NCK2: variants seen among roughly 807,000 people sequenced by gnomAD.
NCK2 encodes the protein NCK adaptor protein 2.
NCK2 carries 16 observed loss-of-function variants against 33.9 expected under a neutral mutation model. That is an observed-to-expected ratio of 0.47 (90% CI 0.32 to 0.72). The LOEUF (loss-of-function observed/expected upper bound fraction) is 0.72. Ranked by LOEUF, NCK2 falls within the 30% of genes least tolerant of loss-of-function variation. The pLI is 0.03. For missense variants in NCK2, 418 were observed against 537.3 expected, an observed-to-expected ratio of 0.78 and a Z score of 2.19; for synonymous variants, 273 against 239.9, an observed-to-expected ratio of 1.14 and a Z score of -1.27.
At chr2:105,749,849 C>T (rs1689396366) in intron 1 of NCK2, among the ~76,000 whole-genome samples, 1 of 152,036 alleles carries the variant, frequency 6.6e-6, no homozygotes, top group South Asian at 2.1e-4. Flanking sequence ...GTGTATTAGT[C>T]AGCTCCAGCT....
rs1416454394 is a variant in NCK2, at chr2:105,893,257, G to A, written c.*81G>A. On this transcript the variant is annotated 3_prime_UTR_variant, in exon 5 of 5. Coordinates refer to ENST00000233154, the MANE Select transcript of NCK2 (RefSeq NM_003581.5). ...GCCTTGTGGCAGAGGCTCCTCCCGC[G>A]GGGACGGCCCCGACGGCTTCTCTGC... The A allele has an allele frequency of 5.9e-6, 8 of 1,365,808 alleles. No homozygotes were observed. Among genetic ancestry groups the A allele is most frequent in the South Asian group, 4.1e-5 (3 of 72,876 alleles). The allele number at this position is 1,365,808 out of a possible 1,614,324, so 84.6% of individuals were successfully genotyped here.
At chr2:105,824,626 C>T (rs372773322) in intron 2 of NCK2, among the ~76,000 whole-genome samples, 5 of 152,130 alleles carry the variant, frequency 3.3e-5, no homozygotes, top group Admixed American at 6.5e-5. Flanking sequence ...TACCACGTCT[C>T]GGCGGCGTGT....
chr2:105,884,052 A>G (rs1678618592), intron 4 of NCK2, among the ~76,000 whole-genome samples: 1 of 152,146 alleles, frequency 6.6e-6, no homozygotes, highest in African/African-American at 2.4e-5. Flanking sequence ...GTTAGTGTGC[A>G]TGCCTTGTTC....
intron 1 of NCK2, among the ~76,000 whole-genome samples, chr2:105,758,773 A>T (rs1044718524): frequency 1.3e-4 from 20 of 152,076 alleles, no homozygotes; most frequent in Non-Finnish European, 4.4e-5. Flanking sequence ...CAAGACTGAT[A>T]CTTCTACCCA....
At chr2:105,849,910 C>T (rs1449508455) in intron 2 of NCK2, among the ~76,000 whole-genome samples, 2 of 152,148 alleles carry the variant, frequency 1.3e-5, no homozygotes, top group Non-Finnish European at 2.9e-5. Flanking sequence ...CTGGCACATC[C>T]GGCCTCAGGA....
intron 1 of NCK2, among the ~76,000 whole-genome samples, chr2:105,746,923 G>T (rs545903913): frequency 1.3e-5 from 2 of 152,170 alleles, no homozygotes; most frequent in Non-Finnish European, 2.9e-5. Context: ...CGGAGGCCTC[G>T]CCTGGATTCT....
At chr2:105,750,037 A>ACACACACACACACACAC (rs1553449506) in intron 1 of NCK2, among the ~76,000 whole-genome samples, 6 of 144,456 alleles carry the variant, frequency 4.2e-5, no homozygotes, top group African/African-American at 5.2e-5. Flanking sequence ...AAAGCAAACA[A>ACACACACACACACACAC]ACACACACAC....
At chr2:105,750,067 C>CAA (rs760354750) in intron 1 of NCK2, among the ~76,000 whole-genome samples, 1 of 151,296 alleles carries the variant, frequency 6.6e-6, no homozygotes, top group African/African-American at 2.4e-5. Context: ...CACACACACA[C>CAA]AAAACAACAA....
At chr2:105,811,297 G>A (rs1675286258) in intron 1 of NCK2, among the ~76,000 whole-genome samples, 2 of 152,156 alleles carry the variant, frequency 1.3e-5, no homozygotes, top group Admixed American at 1.3e-4. Flanking sequence ...GGAGTTGAGT[G>A]GGGTGGTGGA....
intron 3 of NCK2, among the ~76,000 whole-genome samples, chr2:105,869,415 G>T (rs1389337905): frequency 1.3e-5 from 2 of 152,142 alleles, no homozygotes; most frequent in South Asian, 2.1e-4. Context: ...GGGTTTCCTT[G>T]TGTTACAGAT....
intron 1 of NCK2, among the ~76,000 whole-genome samples, chr2:105,765,469 G>A (rs1327269217): frequency 6.6e-6 from 1 of 152,072 alleles, no homozygotes; most frequent in South Asian, 2.1e-4. Context: ...TCGAGCTGGT[G>A]GTCCCTTCTT....
At chr2:105,844,716 C>G (rs1433038033) in intron 2 of NCK2, among the ~76,000 whole-genome samples, 1 of 142,964 alleles carries the variant, frequency 7.0e-6, no homozygotes, top group Admixed American at 7.1e-5. Flanking sequence ...GCCTGAGCAA[C>G]AGAGTAAGAC....
chr2:105,763,661 G>C (rs572487992), intron 1 of NCK2, among the ~76,000 whole-genome samples: 1 of 152,174 alleles, frequency 6.6e-6, no homozygotes, highest in South Asian at 2.1e-4. Context: ...GGAACTTAGG[G>C]GTTTATAATA....
chr2:105,820,488 A>G (rs1346133641), intron 2 of NCK2, among the ~76,000 whole-genome samples: 2 of 152,146 alleles, frequency 1.3e-5, no homozygotes, highest in Non-Finnish European at 2.9e-5. Flanking sequence ...GTCTCAGCCC[A>G]TTTCCACGTG....
chr2:105,873,028 C>T (rs1305288267), intron 3 of NCK2, among the ~76,000 whole-genome samples: 2 of 152,202 alleles, frequency 1.3e-5, no homozygotes, highest in African/African-American at 4.8e-5. Flanking sequence ...CCTCACCCGG[C>T]TGCCAGGAAA....
chr2:105,783,810 T>G (rs1042320628), intron 1 of NCK2, among the ~76,000 whole-genome samples: 13 of 152,136 alleles, frequency 8.5e-5, no homozygotes, highest in Admixed American at 2.6e-4. Context: ...CAGAGAGGGT[T>G]TTGCAGCTGG....
intron 4 of NCK2, among the ~76,000 whole-genome samples, chr2:105,889,172 A>T (rs576945701): frequency 1.8e-3 from 280 of 152,294 alleles, no homozygotes; most frequent in Non-Finnish European, 3.0e-3. Flanking sequence ...TCTCCATCAG[A>T]TGCAGGGACT....
intron 1 of NCK2, among the ~76,000 whole-genome samples, chr2:105,809,034 T>C (rs1471992921): frequency 6.6e-6 from 1 of 152,232 alleles, no homozygotes. Flanking sequence ...ATGGCTATGT[T>C]ACAATGTGAT....
At chr2:105,781,757 T>C (rs1690503108) in intron 1 of NCK2, among the ~76,000 whole-genome samples, 1 of 152,244 alleles carries the variant, frequency 6.6e-6, no homozygotes, top group Admixed American at 6.5e-5. Flanking sequence ...GTGACAGAGC[T>C]GTCGCCTCTC....
Sources: allele counts gnomAD v4.1 joint callset (sites outside exome capture counted in the v4.1 genomes callset), GRCh38; gene constraint gnomAD v4.1.1; transcripts MANE v1.5; gene names NCBI Gene and HGNC (gene_info 2026-07-23, HGNC 2026-07-21).